GPC5: variants seen among roughly 807,000 people sequenced by gnomAD.
GPC5 encodes the protein glypican-5.
A neutral mutation model predicts 53.9 loss-of-function variants in GPC5; 47 were observed. The ratio of observed to expected loss-of-function variants is 0.87; its 90% CI spans 0.69 to 1.11. GPC5 has a LOEUF of 1.11. Ranked by LOEUF, GPC5 falls within the 50% of genes most tolerant of loss-of-function variation. The pLI, the probability that GPC5 is intolerant of heterozygous loss-of-function variation, is 0.00. For missense variants in GPC5, 748 were observed against 713.1 expected, an observed-to-expected ratio of 1.05 and a Z score of -0.56; for synonymous variants, 286 against 263.3, an observed-to-expected ratio of 1.09 and a Z score of -0.84.
At chr13:91,474,761 A>G (rs1332553219) in intron 2 of GPC5, among the ~76,000 whole-genome samples, 1 of 152,146 alleles carries the variant, frequency 6.6e-6, no homozygotes. Context: ...TTGATGAAAA[A>G]CATTTTTATT....
At position 91,869,550 on chromosome 13, in the gene GPC5, T is replaced by C. The variant is rs80179653; in HGVS notation, c.1281-38387T>C. ...TTGCTGCTATTCTTTGAGTAACTTA[T>C]ACGTTTTCTCCTACATTATTGCTGA... On this transcript the variant is annotated intron_variant, in intron 5 of 7. Coordinates refer to ENST00000377067, the MANE Select transcript of GPC5 (RefSeq NM_004466.6). Among the ~76,000 whole-genome samples the C allele has an allele frequency of 9.3e-3, 1,418 of 152,308 alleles. 27 individuals are homozygous for C. Among genetic ancestry groups the C allele is most frequent in the African/African-American group, 0.033 (1,360 of 41,564 alleles).
At chr13:92,304,448 C>T (rs1014275563) in intron 7 of GPC5, among the ~76,000 whole-genome samples, 1 of 152,080 alleles carries the variant, frequency 6.6e-6, no homozygotes, top group African/African-American at 2.4e-5. Context: ...TTGTGATCCG[C>T]CTGCCTCGGC....
At chr13:91,643,431 G>A (rs1191881252) in intron 2 of GPC5, among the ~76,000 whole-genome samples, 1 of 152,180 alleles carries the variant, frequency 6.6e-6, no homozygotes, top group Non-Finnish European at 1.5e-5. Flanking sequence ...GATATGCTAT[G>A]ATGTAAAATA....
At chr13:92,704,321 T>A (rs914827072) in intron 7 of GPC5, among the ~76,000 whole-genome samples, 5 of 152,086 alleles carry the variant, frequency 3.3e-5, no homozygotes, top group Non-Finnish European at 7.4e-5. Flanking sequence ...CTGTGAATGC[T>A]GAAGTTGAAT....
At position 92,838,480 on chromosome 13, in the gene GPC5, G is replaced by GC. The variant is rs201596388; in HGVS notation, c.1562-27794dup. On this transcript the variant is annotated intron_variant, in intron 7 of 7. Coordinates refer to ENST00000377067, the MANE Select transcript of GPC5 (RefSeq NM_004466.6). ...CCTGGGCTACAGAGTGAGACTCCGC[G>GC]CCCCCCCCAAAAAAAAAAAGAAAAA... 2.6e-3 allele frequency among the ~76,000 whole-genome samples: 360 copies of GC among 137,060 alleles called. 4 individuals are homozygous for GC. Among genetic ancestry groups the GC allele is most frequent in the African/African-American group, 6.8e-3 (232 of 34,208 alleles). 89.9% of individuals were successfully genotyped at this position (137,060 alleles called of 152,430 possible).
At chr13:92,666,575 A>G (rs1325597649) in intron 7 of GPC5, among the ~76,000 whole-genome samples, 1 of 152,220 alleles carries the variant, frequency 6.6e-6, no homozygotes, top group Non-Finnish European at 1.5e-5. Context: ...AGTTTAGTAA[A>G]TTGATGTGTA....
chr13:92,009,083 A>C (rs2040636780), intron 6 of GPC5, among the ~76,000 whole-genome samples: 1 of 152,120 alleles, frequency 6.6e-6, no homozygotes, highest in Non-Finnish European at 1.5e-5. Flanking sequence ...TACTTGAACA[A>C]ATTTATAACA....
In GPC5 at chr13:91,693,173, T is replaced by G; in HGVS notation, c.326-14T>G. On this transcript the variant is annotated splice_polypyrimidine_tract_variant and intron_variant, in intron 2 of 7. Transcript: ENST00000377067. ...ACTAAACCTTCTCATGTTTTACCTC[T>G]GCTTGTGTTACAGAAACCCTTGAAA... 1.9e-6 allele frequency: 3 copies of G among 1,594,024 alleles called. No homozygotes were observed. Among genetic ancestry groups the G allele is most frequent in the Non-Finnish European group, 2.6e-6 (3 of 1,164,546 alleles).
intron 2 of GPC5, among the ~76,000 whole-genome samples, chr13:91,677,971 T>C (rs1358985856): frequency 3.9e-5 from 6 of 152,242 alleles, no homozygotes; most frequent in Non-Finnish European, 2.9e-5. Flanking sequence ...TAAAACAGAC[T>C]GTTCTTGGTC....
intron 4 of GPC5, among the ~76,000 whole-genome samples, chr13:91,729,878 T>C (rs760420575): frequency 1.5e-4 from 23 of 152,146 alleles, no homozygotes; most frequent in Admixed American, 4.6e-4. Flanking sequence ...TTTAATATAA[T>C]CTATTCACTA....
At chr13:92,073,980 A>G (rs1399459887) in intron 6 of GPC5, among the ~76,000 whole-genome samples, 1 of 152,114 alleles carries the variant, frequency 6.6e-6, no homozygotes, top group Admixed American at 6.6e-5. Flanking sequence ...CCTTCCTGCC[A>G]TCATGTGAAG....
intron 7 of GPC5, among the ~76,000 whole-genome samples, chr13:92,597,239 G>A (rs2139075507): frequency 6.6e-6 from 1 of 151,426 alleles, no homozygotes; most frequent in South Asian, 2.1e-4. Flanking sequence ...CTCATCTTCT[G>A]GAGTTCAGTA....
intron 7 of GPC5, among the ~76,000 whole-genome samples, chr13:92,750,444 G>T (rs1889355064): frequency 6.6e-6 from 1 of 151,474 alleles, no homozygotes; most frequent in South Asian, 2.1e-4. Flanking sequence ...TGCTGGAAGA[G>T]GAAAAGAAAA....
At chr13:92,517,574 C>T (rs1412819283) in intron 7 of GPC5, among the ~76,000 whole-genome samples, 2 of 152,200 alleles carry the variant, frequency 1.3e-5, no homozygotes, top group Non-Finnish European at 2.9e-5. Context: ...CAAACAGGGT[C>T]TGGAGTGGAC....
chr13:92,594,864 C>G (rs1010512739), intron 7 of GPC5, among the ~76,000 whole-genome samples: 2 of 152,206 alleles, frequency 1.3e-5, no homozygotes, highest in East Asian at 3.8e-4. Flanking sequence ...TTACTTCACC[C>G]AGTACATCTT....
At chr13:92,342,326 C>T (rs535475303) in intron 7 of GPC5, among the ~76,000 whole-genome samples, 29 of 152,252 alleles carry the variant, frequency 1.9e-4, no homozygotes, top group African/African-American at 6.7e-4. Context: ...GAACTGGCTA[C>T]TGGGGGACAT....
At chr13:91,913,079 G>T (rs1259281704) in intron 6 of GPC5, among the ~76,000 whole-genome samples, 3 of 152,094 alleles carry the variant, frequency 2.0e-5, no homozygotes, top group South Asian at 2.1e-4. Context: ...ACGGCCAAAA[G>T]AAATATTTTA....
chr13:92,584,854 C>A (rs1883486952), intron 7 of GPC5, among the ~76,000 whole-genome samples: 2 of 152,154 alleles, frequency 1.3e-5, no homozygotes, highest in South Asian at 4.1e-4. Flanking sequence ...ACAGCTTGGG[C>A]TGTTGCTTCA....
At chr13:92,828,508 C>T (rs532287973) in intron 7 of GPC5, among the ~76,000 whole-genome samples, 1 of 152,220 alleles carries the variant, frequency 6.6e-6, no homozygotes, top group South Asian at 2.1e-4. Flanking sequence ...CTATATTTCG[C>T]ACTTGTTCAC....
Sources: gnomAD v4.1 joint callset for allele counts (sites outside exome capture counted in the v4.1 genomes callset) on GRCh38, gnomAD v4.1.1 for gene constraint, MANE v1.5 for transcripts, NCBI Gene and HGNC (gene_info 2026-07-23, HGNC 2026-07-21) for gene names.